ITGA8: variants seen among roughly 807,000 people sequenced by gnomAD.
ITGA8 encodes integrin subunit alpha 8.
In ITGA8, 91 loss-of-function variants were observed where a neutral mutation model predicts 142.3. The ratio of observed to expected loss-of-function variants is 0.64; its 90% CI spans 0.54 to 0.76. The LOEUF (loss-of-function observed/expected upper bound fraction) is 0.76. Among genes scored for constraint, ITGA8 ranks in the 30% least tolerant of loss-of-function variants. ITGA8 has a pLI of 0.00. For synonymous variants in ITGA8, 505 were observed against 485.2 expected, an observed-to-expected ratio of 1.04 and a Z score of -0.54; for missense variants, 1,406 against 1,327.7, an observed-to-expected ratio of 1.06 and a Z score of -0.92.
Position 15,572,297 on chromosome 10 carries a change from C to T in ITGA8, c.2551G>A (p.Glu851Lys), listed in dbSNP as rs868102136. The change falls in exon 25 of 30, where the codon GAA becomes AAA. Residue 851 changes from glutamate (E) to lysine (K), a missense_variant. By Grantham distance (56) the Glu-to-Lys change is moderately conservative (BLOSUM62 1). Transcript: ENST00000378076. ...ATATGGAAAATATAGAGAAGAAATTCATCCCGGGCAGAGAAAGGCCAGCCC... is the reference window on the plus strand; with the variant it reads ...ATATGGAAAATATAGAGAAGAAATTTATCCCGGGCAGAGAAAGGCCAGCCC... ...EVGWPFSARD[E>K]FLLYIFHIQT... 2 of 1,613,864 alleles carry T rather than the reference C, an allele frequency of 1.2e-6. No individual in the cohort carries two copies. The highest frequency in any genetic ancestry group is 8.5e-7 in the Non-Finnish European group (1 of 1,179,936).
Position 15,688,168 on chromosome 10 carries a change from A to G in ITGA8, c.344-130T>C, listed in dbSNP as rs1267670527. 4 of 664,324 alleles carry G rather than the reference A, an allele frequency of 6.0e-6. No individual in the cohort carries two copies. In the African/African-American group the frequency reaches 7.2e-5, roughly 12 times the overall value. 41.2% of individuals were successfully genotyped at this position (664,324 alleles called of 1,614,324 possible). ...TGTCAAACTCCTCCAAAAAAATTGA[A>G]AAGAGGCTGGGTATGGTGGCTCATG... On this transcript the variant is annotated intron_variant, in intron 2 of 29. Coordinates refer to ENST00000378076, the MANE Select transcript of ITGA8 (RefSeq NM_003638.3).
chr10:15,670,587 G>A (rs1834493591), intron 8 of ITGA8, among the ~76,000 whole-genome samples: 1 of 152,136 alleles, frequency 6.6e-6, no homozygotes, highest in Non-Finnish European at 1.5e-5. Context: ...TTGCCTTCAA[G>A]GAGGTAGACA....
intron 2 of ITGA8, among the ~76,000 whole-genome samples, chr10:15,710,041 C>A (rs1313155861): frequency 6.6e-6 from 1 of 152,054 alleles, no homozygotes; most frequent in Non-Finnish European, 1.5e-5. Flanking sequence ...CTTTAGTGAA[C>A]TCAATCATTT....
At chr10:15,534,893 G>A (rs11259728) in intron 27 of ITGA8, among the ~76,000 whole-genome samples, 8 of 152,184 alleles carry the variant, frequency 5.3e-5, no homozygotes, top group African/African-American at 1.9e-4. Context: ...TTCAGCCCGC[G>A]GCTGCACTGT....
chr10:15,573,314 G>A (rs1233697289), intron 24 of ITGA8, among the ~76,000 whole-genome samples: 1 of 152,230 alleles, frequency 6.6e-6, no homozygotes, highest in East Asian at 1.9e-4. Context: ...AAGCAGGACT[G>A]CCCTGAGAAT....
intron 13 of ITGA8, among the ~76,000 whole-genome samples, chr10:15,631,446 C>A (rs1225256988): frequency 1.3e-5 from 2 of 151,850 alleles, no homozygotes; most frequent in African/African-American, 4.9e-5. Context: ...AGTCATCATT[C>A]CTAGCAAACT....
In ITGA8 at chr10:15,541,186, T is replaced by C. The variant is rs1232680109; in HGVS notation, c.2880+7269A>G. Among the ~76,000 whole-genome samples, 4 of 152,230 alleles carry C rather than the reference T, an allele frequency of 2.6e-5. No individual in the cohort carries two copies. In the East Asian group the frequency reaches 7.7e-4, roughly 29 times the overall value. ...TTCAATAAAAGGCTGTTGGAGATTGTGACTTTCCTTACATCCTCTCATAAA... is the reference window on the plus strand; with the variant it reads ...TTCAATAAAAGGCTGTTGGAGATTGCGACTTTCCTTACATCCTCTCATAAA... On this transcript the variant is annotated intron_variant, in intron 27 of 29. Coordinates refer to ENST00000378076, the MANE Select transcript of ITGA8 (RefSeq NM_003638.3).
chr10:15,652,519 A>G (rs917184044), intron 11 of ITGA8, among the ~76,000 whole-genome samples: 2 of 151,514 alleles, frequency 1.3e-5, no homozygotes, highest in African/African-American at 2.4e-5. Context: ...AAGCGTTATG[A>G]AAACTGGACG....
intron 26 of ITGA8, among the ~76,000 whole-genome samples, chr10:15,553,259 GA>G (rs201769101): frequency 2.2e-5 from 3 of 139,422 alleles, no homozygotes; most frequent in Non-Finnish European, 3.1e-5. Context: ...TCTATCTCAA[GA>G]AAAAAAAAAT....
intron 21 of ITGA8, 154 bp downstream of exon 21, chr10:15,597,053 A>G (rs1833022249): frequency 3.1e-6 from 2 of 652,308 alleles, no homozygotes; most frequent in African/African-American, 3.6e-5. Context: ...TGTGTAGGTT[A>G]TAATGTGAAA....
At chr10:15,548,308 G>A (rs1833718450) in intron 27 of ITGA8, 147 bp downstream of exon 27, 1 of 621,670 alleles carries the variant, frequency 1.6e-6, no homozygotes, top group African/African-American at 2.0e-5. Flanking sequence ...GGCCAGGCTT[G>A]TCTCGAGCTC....
At chr10:15,640,878 C>A (rs529252815) in intron 13 of ITGA8, among the ~76,000 whole-genome samples, 1 of 152,114 alleles carries the variant, frequency 6.6e-6, no homozygotes, top group South Asian at 2.1e-4. Context: ...GACAATGGAA[C>A]GAGCCACAGA....
chr10:15,580,732 C>A (rs931946398), intron 23 of ITGA8, among the ~76,000 whole-genome samples: 3 of 152,148 alleles, frequency 2.0e-5, no homozygotes, highest in Admixed American at 6.5e-5. Flanking sequence ...ACTAAACATA[C>A]ATTCATGTTA....
intron 2 of ITGA8, among the ~76,000 whole-genome samples, chr10:15,707,143 A>C (rs902187983): frequency 1.3e-5 from 2 of 152,210 alleles, no homozygotes; most frequent in Non-Finnish European, 2.9e-5. Flanking sequence ...GCTACATCTG[A>C]ATCTCCCAAA....
chr10:15,605,801 A>G lies in ITGA8; in HGVS notation c.1903-10T>C, dbSNP rs141273982. ...CCACCAGAATGTGAGCCTGTGTTGT[A>G]TAAACGCACGTCAGGAACAATCTAG... On this transcript the variant is annotated splice_polypyrimidine_tract_variant and intron_variant, in intron 18 of 29. Coordinates refer to ENST00000378076, the MANE Select transcript of ITGA8 (RefSeq NM_003638.3). 112 of 1,612,584 alleles carry G rather than the reference A, an allele frequency of 6.9e-5. No homozygotes were observed. In the African/African-American group the frequency reaches 1.4e-3, roughly 20 times the overall value.
At chr10:15,625,612 A>G (rs548593668) in intron 13 of ITGA8, among the ~76,000 whole-genome samples, 1 of 152,344 alleles carries the variant, frequency 6.6e-6, no homozygotes, top group South Asian at 2.1e-4. Context: ...TCCTATTGAT[A>G]AAAACCTAAT....
Position 15,540,731 on chromosome 10 carries a change from C to CT in ITGA8, c.2880+7723dup, listed in dbSNP as rs1833551970. Among the ~76,000 whole-genome samples the CT allele has an allele frequency of 2.0e-5, 3 of 152,228 alleles. No homozygotes were observed. The South Asian group carries it at 6.2e-4, about 32-fold the overall frequency. ...AGGTGCATTCTTGGCTGTACCTGTG[C>CT]TTTTGAGGTATGGGACTGACAGGAC... is the stretch of plus-strand genomic sequence containing the variant. On this transcript the variant is annotated intron_variant, in intron 27 of 29. Coordinates refer to ENST00000378076, the MANE Select transcript of ITGA8 (RefSeq NM_003638.3).
chr10:15,514,379 T>C lies in ITGA8; in HGVS notation c.*2779A>G, dbSNP rs1832926382. ...TCCTCCCTTTCTCCATTTGCTTCCATATTCTTTTTTTATTTTTTATTTTAT... is the reference window on the plus strand; with the variant it reads ...TCCTCCCTTTCTCCATTTGCTTCCACATTCTTTTTTTATTTTTTATTTTAT... On this transcript the variant is annotated 3_prime_UTR_variant, in exon 30 of 30. Coordinates refer to ENST00000378076, the MANE Select transcript of ITGA8 (RefSeq NM_003638.3). 1 of 152,090 alleles carries C rather than the reference T, an allele frequency of 6.6e-6. No homozygotes were observed. Among genetic ancestry groups the C allele is most frequent in the African/African-American group, 2.4e-5 (1 of 41,410 alleles). 9.4% of individuals were successfully genotyped at this position (152,090 alleles called of 1,614,324 possible).
In ITGA8 at chr10:15,606,387, G is replaced by C; in HGVS notation, c.1800C>G (p.Ile600Met). Residue 600 changes from isoleucine to methionine, a missense_variant, in exon 18 of 30, where the codon ATC (isoleucine) becomes ATG (methionine). Ile to Met is a conservative substitution (Grantham distance 10). Coordinates refer to ENST00000378076, the MANE Select transcript of ITGA8 (RefSeq NM_003638.3). ...CCAAACTGTAATTCAAACTAATGTT[G>C]ATTGGAGATAATTTATCTCGGAATT... Reference protein sequence around the residue: ...ETEFRDKLSPINISLNYSLDE... With the variant: ...ETEFRDKLSPMNISLNYSLDE... 6.2e-7 allele frequency: 1 copy of C among 1,604,932 alleles called. No homozygotes were observed. The highest frequency in any genetic ancestry group is 8.5e-7 in the Non-Finnish European group (1 of 1,172,846).
Sources: gnomAD v4.1 joint callset for allele counts (sites outside exome capture counted in the v4.1 genomes callset) on GRCh38, gnomAD v4.1.1 for gene constraint, MANE v1.5 for transcripts, NCBI Gene and HGNC (gene_info 2026-07-23, HGNC 2026-07-21) for gene names.